The following ZCCHC14 variants were observed in gnomAD, a reference collection of about 807,000 sequenced individuals.
ZCCHC14 encodes the protein zinc finger CCHC domain-containing protein 14.
In ZCCHC14, 16 loss-of-function variants were observed where a neutral mutation model predicts 85.0. The ratio of observed to expected loss-of-function variants is 0.19; its 90% CI spans 0.13 to 0.29. ZCCHC14 has a LOEUF of 0.29. Ranked by LOEUF, ZCCHC14 falls within the 10% of genes least tolerant of loss-of-function variation. The probability of loss-of-function intolerance (pLI) is 1.00; values close to 1 mark genes in which losing one functional copy is unlikely to be tolerated. For missense variants in ZCCHC14, 1,303 were observed against 1,443.5 expected, an observed-to-expected ratio of 0.90 and a Z score of 1.58; for synonymous variants, 775 against 630.7, an observed-to-expected ratio of 1.23 and a Z score of -3.43.
At chr16:87,482,155 C>G (rs1381396516) in intron 1 of ZCCHC14, among the ~76,000 whole-genome samples, 1 of 152,158 alleles carries the variant, frequency 6.6e-6, no homozygotes, top group Admixed American at 6.5e-5. Context: ...AACATGGGAA[C>G]CATGGCAGGT....
rs920611497 is a variant in ZCCHC14 at position 87,408,172 on chromosome 16, C to T, written c.*2108G>A. ...CCTCTAATACTTATCAAAATAGTTACGTGGGTAACAACAGACGCTTTCATT... is the reference window on the plus strand; with the variant it reads ...CCTCTAATACTTATCAAAATAGTTATGTGGGTAACAACAGACGCTTTCATT... On this transcript the variant is annotated 3_prime_UTR_variant, in exon 13 of 13. Coordinates refer to ENST00000671377, the MANE Select transcript of ZCCHC14 (RefSeq NM_015144.3). 3 of 152,604 alleles carry T rather than the reference C, an allele frequency of 2.0e-5. No individual in the cohort carries two copies. Among genetic ancestry groups the T allele is most frequent in the African/African-American group, 7.2e-5 (3 of 41,446 alleles). 9.5% of individuals were successfully genotyped at this position (152,604 alleles called of 1,614,324 possible).
intron 1 of ZCCHC14, chr16:87,467,184 GGAGAA>G: frequency 7.2e-7 from 1 of 1,398,384 alleles, no homozygotes; most frequent in South Asian, 1.2e-5. Flanking sequence ...TCCTCTGGCG[GGAGAA>G]GACTATTCTT....
At chr16:87,462,689 G>A (rs1433683141) in intron 1 of ZCCHC14, among the ~76,000 whole-genome samples, 7 of 151,264 alleles carry the variant, frequency 4.6e-5, no homozygotes, top group South Asian at 4.2e-4. Flanking sequence ...GCAGTGAGCC[G>A]AGATCGCGCC....
chr16:87,450,711 AT>A (rs1330688820), intron 2 of ZCCHC14, among the ~76,000 whole-genome samples: 1 of 151,324 alleles, frequency 6.6e-6, no homozygotes, highest in Non-Finnish European at 1.5e-5. Flanking sequence ...AGTAGCTGGG[AT>A]TATAGGCATG....
At chr16:87,418,422 C>A (rs905411885) in intron 7 of ZCCHC14, among the ~76,000 whole-genome samples, 1 of 152,134 alleles carries the variant, frequency 6.6e-6, no homozygotes, top group South Asian at 2.1e-4. Flanking sequence ...TATGGGGGTG[C>A]GTGTGCACTG....
chr16:87,417,661 G>A lies in ZCCHC14; in HGVS notation c.1182C>T (p.Ala394=), dbSNP rs1029764918. The A allele has an allele frequency of 1.9e-6, 3 of 1,612,672 alleles. No homozygotes were observed. The highest frequency in any genetic ancestry group is 2.5e-6 in the Non-Finnish European group (3 of 1,179,456). Residue 394 remains alanine (A), a synonymous_variant, in exon 8 of 13, where the codon GCC becomes GCT. Transcript: ENST00000671377. The stretch of plus-strand genomic sequence containing the variant: ...CCGCATGGGAGCAGTGAGGCAAGGG[G>A]GCGGCGGAGCCGGCCGGGTGCTGCC... ...HHGQHPAGSA[A]PLPHCSHAGS... is the part of the protein sequence containing the mutation.
intron 2 of ZCCHC14, among the ~76,000 whole-genome samples, chr16:87,453,336 C>G (rs1484015508): frequency 6.6e-6 from 1 of 152,246 alleles, no homozygotes; most frequent in South Asian, 2.1e-4. Flanking sequence ...AACAAAACAC[C>G]CCTCTGAAGT....
Position 87,446,793 on chromosome 16 carries a change from CTT to C in ZCCHC14, c.694+13213_694+13214del, listed in dbSNP as rs546688464. 7.4e-4 allele frequency among the ~76,000 whole-genome samples: 112 copies of C among 152,132 alleles called. No homozygotes were observed. In the Middle Eastern group the frequency reaches 0.01, roughly 14 times the overall value. ...CAACCTCCACCTCCCAAGCAATTCT[CTT>C]GTCTCAGCCTCCCGAGTCGCTGGGA... On this transcript the variant is annotated intron_variant, in intron 2 of 12. Coordinates refer to ENST00000671377, the MANE Select transcript of ZCCHC14 (RefSeq NM_015144.3).
chr16:87,436,629 G>A (rs1909936190), intron 2 of ZCCHC14, among the ~76,000 whole-genome samples: 2 of 152,346 alleles, frequency 1.3e-5, no homozygotes, highest in East Asian at 1.9e-4. Flanking sequence ...CCGGGCTTAC[G>A]CCTAAGTGAT....
chr16:87,413,016 C>T, intron 11 of ZCCHC14, 39 bp downstream of exon 11: 1 of 1,614,046 alleles, frequency 6.2e-7, no homozygotes, highest in Admixed American at 1.7e-5. Context: ...CATTCCACAG[C>T]TGGGCCAGGT....
chr16:87,489,326 A>G (rs956440442), intron 1 of ZCCHC14, among the ~76,000 whole-genome samples: 3 of 152,242 alleles, frequency 2.0e-5, no homozygotes, highest in African/African-American at 7.2e-5. Context: ...CAGTTTTCCA[A>G]AGATGAAACA....
chr16:87,413,622 G>C (rs1274650243), intron 10 of ZCCHC14, among the ~76,000 whole-genome samples: 1 of 151,890 alleles, frequency 6.6e-6, no homozygotes, highest in Non-Finnish European at 1.5e-5. Context: ...CTATTGTGAA[G>C]AAAACCCGGC....
rs532797663 is a variant in ZCCHC14, at chr16:87,476,910, A to C, written c.570+14759T>G. Among the ~76,000 whole-genome samples the C allele has an allele frequency of 3.1e-3, 472 of 151,996 alleles. 4 individuals carry two copies. Among genetic ancestry groups the C allele is most frequent in the African/African-American group, 0.011 (450 of 41,432 alleles). On this transcript the variant is annotated intron_variant, in intron 1 of 12. Coordinates refer to ENST00000671377, the MANE Select transcript of ZCCHC14 (RefSeq NM_015144.3). ...GGAAGGCTGAGGAGGGCAGATCACAAGGTAAGGAGTTTGAGACCAGCCTGA... is the reference window on the plus strand; with the variant it reads ...GGAAGGCTGAGGAGGGCAGATCACACGGTAAGGAGTTTGAGACCAGCCTGA...
chr16:87,477,326 G>A (rs1342871371), intron 1 of ZCCHC14, among the ~76,000 whole-genome samples: 3 of 152,166 alleles, frequency 2.0e-5, no homozygotes, highest in Non-Finnish European at 4.4e-5. Flanking sequence ...ATAAAAACGA[G>A]CCGCTGGGGC....
chr16:87,423,630 C>T (rs541352647), intron 4 of ZCCHC14, among the ~76,000 whole-genome samples, 180 bp downstream of exon 4: 3 of 152,210 alleles, frequency 2.0e-5, no homozygotes, highest in African/African-American at 4.8e-5. Flanking sequence ...GACCTGTGCT[C>T]GCAGCAACGC....
intron 1 of ZCCHC14, among the ~76,000 whole-genome samples, chr16:87,478,401 G>C (rs145854288): frequency 5.3e-5 from 8 of 152,202 alleles, no homozygotes; most frequent in Non-Finnish European, 8.8e-5. Flanking sequence ...GAGTCGGGGT[G>C]CAGAGAAGGT....
In ZCCHC14 at chr16:87,406,457, A is replaced by C. The variant is rs544711096; in HGVS notation, c.*3823T>G. The C allele has an allele frequency of 6.5e-6, 1 of 152,752 alleles. No individual in the cohort carries two copies. The highest frequency in any genetic ancestry group is 1.9e-4 in the East Asian group (1 of 5,188). 9.5% of individuals were successfully genotyped at this position (152,752 alleles called of 1,614,324 possible). ...AAAAATATTTATAAAGTTACATGCA[A>C]TTTTGTAGAATTGACAAAAGAATGG... On this transcript the variant is annotated 3_prime_UTR_variant, in exon 13 of 13. Transcript: ENST00000671377.
chr16:87,491,665 G>A lies in ZCCHC14; in HGVS notation c.570+4C>T. On this transcript the variant is annotated splice_donor_region_variant and intron_variant, in intron 1 of 12. Transcript: ENST00000671377. The surrounding 1 kb of genome is among the most constrained non-coding windows in gnomAD (Gnocchi z 5.9). ...ACAGGGCAGAGCTCGGGGCGGGCAC[G>A]CACCTTGTGGCAGGCTGGGCAAGTG... The A allele has an allele frequency of 2.8e-6, 4 of 1,410,234 alleles. No individual in the cohort carries two copies. Among genetic ancestry groups the A allele is most frequent in the East Asian group, 5.9e-5 (2 of 33,926 alleles). 87.4% of individuals were successfully genotyped at this position (1,410,234 alleles called of 1,614,324 possible).
intron 4 of ZCCHC14, among the ~76,000 whole-genome samples, chr16:87,423,560 G>A (rs983539702): frequency 2.0e-5 from 3 of 152,164 alleles, no homozygotes; most frequent in Non-Finnish European, 2.9e-5. Flanking sequence ...GCTCATGCCC[G>A]GCGCATCTCT....
Sources: gnomAD v4.1 joint callset for allele counts (sites outside exome capture counted in the v4.1 genomes callset) on GRCh38, gnomAD v4.1.1 for gene constraint, Gnocchi (gnomAD v3.1) non-coding constraint, MANE v1.5 for transcripts, NCBI Gene and HGNC (gene_info 2026-07-23, HGNC 2026-07-21) for gene names.